DRC7: variants seen among roughly 807,000 people sequenced by gnomAD.
DRC7 encodes the protein dynein regulatory complex subunit 7.
In DRC7, 80 loss-of-function variants were observed where a neutral mutation model predicts 104.4. The observed-to-expected ratio is 0.77, with a 90% CI of 0.64 to 0.92. The LOEUF is 0.92. Ranked by LOEUF, DRC7 falls within the 40% of genes least tolerant of loss-of-function variation. DRC7 has a pLI of 0.00. For synonymous variants in DRC7, 405 were observed against 447.3 expected, an observed-to-expected ratio of 0.91 and a Z score of 1.19; for missense variants, 1,034 against 1,141.1, an observed-to-expected ratio of 0.91 and a Z score of 1.35.
At chr16:57,718,228 A>G in intron 8 of DRC7, 119 bp from the exon 9 acceptor site, 1 of 1,326,120 alleles carries the variant, frequency 7.5e-7, no homozygotes, top group Non-Finnish European at 1.0e-6. Flanking sequence ...CTGCTTCCCC[A>G]AGCCCTGGGC....
At chr16:57,714,858 C>G (rs1438096335) in intron 8 of DRC7, 6 of 336,370 alleles carry the variant, frequency 1.8e-5, no homozygotes, top group African/African-American at 1.3e-4. Context: ...ATTGCTGGTG[C>G]ATGCTACAAA....
chr16:57,702,319 C>T (rs77544473), intron 6 of DRC7, among the ~76,000 whole-genome samples, 189 bp downstream of exon 6: 1,914 of 152,266 alleles, frequency 0.013, 48 homozygotes, highest in African/African-American at 0.043. Context: ...TTTATGTCCT[C>T]GGTGTCTTAA....
At chr16:57,705,757 C>CCCATCCATCCTCCCATCCATCCTCCCAT in intron 7 of DRC7, among the ~76,000 whole-genome samples, 1 of 56,072 alleles carries the variant, frequency 1.8e-5, no homozygotes, top group African/African-American at 1.1e-4. Flanking sequence ...GATCTCTCCT[C>CCCATCCATCCTCCCATCCATCCTCCCAT]CCATCCATCC....
intron 8 of DRC7, chr16:57,707,992 T>A: frequency 2.6e-6 from 1 of 385,150 alleles, no homozygotes; most frequent in Non-Finnish European, 4.8e-6. Context: ...TACAGTTCAG[T>A]GAAATCCCAC....
rs2048916769 is a variant in DRC7, at chr16:57,722,729, C to A, written c.1296C>A (p.Cys432Ter). ...TGTCCACAGCATTTGAGACCCGCTG[C>A]CCGAACGGGAAGAAGGTGATTCAGT... is the stretch of plus-strand genomic sequence containing the variant. ...EISPEAFETR[C>*]PNGKKVIQYK... The change falls in exon 11 of 19, where the codon TGC becomes TGA. Residue 432 changes from cysteine (C) to a stop codon, truncating the protein, a stop_gained. Coordinates refer to ENST00000360716, the MANE Select transcript of DRC7 (RefSeq NM_001289162.2). LOFTEE classifies it high-confidence loss of function. The A allele has an allele frequency of 6.2e-7, 1 of 1,613,706 alleles. No homozygotes were observed. Among genetic ancestry groups the A allele is most frequent in the Non-Finnish European group, 8.5e-7 (1 of 1,179,988 alleles).
chr16:57,699,802 C>T (rs2048637899), intron 4 of DRC7, among the ~76,000 whole-genome samples: 1 of 152,194 alleles, frequency 6.6e-6, no homozygotes. Flanking sequence ...CAAGCCTGCT[C>T]TGGGCCTCAG....
intron 8 of DRC7, among the ~76,000 whole-genome samples, chr16:57,710,929 T>C (rs959629731): frequency 6.6e-6 from 1 of 152,218 alleles, no homozygotes; most frequent in African/African-American, 2.4e-5. Flanking sequence ...TGAAGAGAGA[T>C]ATTGTTCTGT....
At chr16:57,726,997 G>A in intron 15 of DRC7, 55 bp downstream of exon 15, 4 of 1,120,254 alleles carry the variant, frequency 3.6e-6, no homozygotes, top group South Asian at 2.6e-5. Flanking sequence ...TTTGAGATAG[G>A]GTCTCGCTCT....
chr16:57,702,091 G>A lies in DRC7; in HGVS notation c.660G>A (p.Leu220=). Residue 220 remains leucine, a synonymous_variant, in exon 6 of 19, where the codon CTG becomes CTA. Transcript: ENST00000360716. ...CGCTGGACCTGTGCCACATGGACCTGACGCGGGAGGTGTGCCCACTCACTG... is the reference window on the plus strand; with the variant it reads ...CGCTGGACCTGTGCCACATGGACCTAACGCGGGAGGTGTGCCCACTCACTG... ...YGSLDLCHMD[L]TREVCPLTVK... 1 of 1,614,182 alleles carries A rather than the reference G, an allele frequency of 6.2e-7. No individual in the cohort carries two copies. The highest frequency in any genetic ancestry group is 1.1e-5 in the South Asian group (1 of 91,086).
chr16:57,727,245 A>C, intron 15 of DRC7, 54 bp from the exon 16 acceptor site: 1 of 1,414,048 alleles, frequency 7.1e-7, no homozygotes, highest in Non-Finnish European at 1.0e-6. Flanking sequence ...TGCTGGGGTT[A>C]CAGGAGTGGA....
At chr16:57,722,902 T>C (rs1233372788) in intron 11 of DRC7, 61 bp downstream of exon 11, 4 of 1,612,202 alleles carry the variant, frequency 2.5e-6, no homozygotes, top group Non-Finnish European at 3.4e-6. Context: ...CGGCTTCTAC[T>C]CTCTCTGGGG....
intron 8 of DRC7, among the ~76,000 whole-genome samples, chr16:57,712,648 A>G (rs1204986478): frequency 6.6e-6 from 1 of 150,886 alleles, no homozygotes; most frequent in Non-Finnish European, 1.5e-5. Context: ...AGCTGAGATG[A>G]TTCATCTAAG....
rs147449337 is a variant in DRC7 at position 57,697,836 on chromosome 16, G to A, written c.-37-77G>A. Reference sequence around the variant, plus strand: ...CTCAAAACCATCTCCCAGGCCTCCCGGGGATGCCCAGATGGTGTTGGTGGC... The same window carrying A: ...CTCAAAACCATCTCCCAGGCCTCCCAGGGATGCCCAGATGGTGTTGGTGGC... On this transcript the variant is annotated intron_variant, in intron 2 of 18. Coordinates refer to ENST00000360716, the MANE Select transcript of DRC7 (RefSeq NM_001289162.2). 2.3e-5 allele frequency: 35 copies of A among 1,492,366 alleles called. No homozygotes were observed. The African/African-American group carries it at 2.4e-4, about 10-fold the overall frequency. The allele number at this position is 1,492,366 out of a possible 1,614,324, so 92.4% of individuals were successfully genotyped here.
chr16:57,721,023 C>T (rs1237888188), intron 9 of DRC7, among the ~76,000 whole-genome samples: 1 of 152,080 alleles, frequency 6.6e-6, no homozygotes, highest in Non-Finnish European at 1.5e-5. Flanking sequence ...CACGGTGAGA[C>T]ACCACCCTCC....
At chr16:57,703,251 G>A (rs2048678932) in intron 6 of DRC7, among the ~76,000 whole-genome samples, 1 of 151,102 alleles carries the variant, frequency 6.6e-6, no homozygotes, top group Admixed American at 6.6e-5. Flanking sequence ...GTGGCTGGTG[G>A]CTGTGTTTTT....
intron 7 of DRC7, among the ~76,000 whole-genome samples, chr16:57,705,891 C>T (rs1444034983): frequency 2.1e-5 from 3 of 145,898 alleles, no homozygotes; most frequent in Admixed American, 6.8e-5. Flanking sequence ...TCCATCATCC[C>T]ACTCATCCTC....
At chr16:57,698,736 T>C in intron 3 of DRC7, 114 bp from the exon 4 acceptor site, 1 of 958,874 alleles carries the variant, frequency 1.0e-6, no homozygotes. Flanking sequence ...ACCTGCCTTC[T>C]CAGTAGCCGT....
chr16:57,718,317 C>G, intron 8 of DRC7, 30 bp from the exon 9 acceptor site: 2 of 1,610,302 alleles, frequency 1.2e-6, no homozygotes, highest in Non-Finnish European at 1.7e-6. Context: ...CTGTGGGGTA[C>G]ACTCAGTTGA....
intron 8 of DRC7, among the ~76,000 whole-genome samples, chr16:57,710,810 A>C (rs1407875735): frequency 6.6e-6 from 1 of 152,164 alleles, no homozygotes; most frequent in Non-Finnish European, 1.5e-5. Flanking sequence ...TGAATGTTAG[A>C]CTAACCATGG....
Sources: gnomAD v4.1 joint callset for allele counts (sites outside exome capture counted in the v4.1 genomes callset) on GRCh38, gnomAD v4.1.1 for gene constraint, MANE v1.5 for transcripts, NCBI Gene and HGNC (gene_info 2026-07-23, HGNC 2026-07-21) for gene names.